Variants in PPFIA3 observed in about 807,000 individuals in gnomAD.
The protein encoded by PPFIA3 is PPFI scaffold protein A3, also known as liprin-alpha-3.
Under a neutral mutation model 145.8 loss-of-function variants are expected in PPFIA3, and 26 were observed. The observed-to-expected ratio is 0.18, with a 90% CI of 0.13 to 0.25. PPFIA3 has a LOEUF of 0.25. Among genes scored for constraint, PPFIA3 ranks in the 10% least tolerant of loss-of-function variants. The probability of loss-of-function intolerance (pLI) is 1.00; values close to 1 mark genes in which losing one functional copy is unlikely to be tolerated. For synonymous variants in PPFIA3, 645 were observed against 661.4 expected, an observed-to-expected ratio of 0.98 and a Z score of 0.38; for missense variants, 1,008 against 1,587.8, an observed-to-expected ratio of 0.63 and a Z score of 6.21.
At chr19:49,134,310 C>A in intron 11 of PPFIA3, 145 bp downstream of exon 11, 1 of 1,169,708 alleles carries the variant, frequency 8.5e-7, no homozygotes, top group East Asian at 2.5e-5. Flanking sequence ...CTTCTCTGCT[C>A]TATTGCCCAG....
chr19:49,144,664 T>C (rs1366847231), intron 21 of PPFIA3, among the ~76,000 whole-genome samples: 1 of 151,690 alleles, frequency 6.6e-6, no homozygotes, highest in African/African-American at 2.4e-5. Context: ...CAGTGAGCTG[T>C]GATTGTCCCA....
chr19:49,139,321 C>T lies in PPFIA3; in HGVS notation c.2077-347C>T, dbSNP rs554452105. Among the ~76,000 whole-genome samples, 171 of 141,234 alleles carry T rather than the reference C, an allele frequency of 1.2e-3. 2 individuals are homozygous for T. Among genetic ancestry groups the T allele is most frequent in the African/African-American group, 4.5e-3 (170 of 37,860 alleles). The allele number at this position is 141,234 out of a possible 152,430, so 92.7% of individuals were successfully genotyped here. The stretch of plus-strand genomic sequence containing the variant: ...GCCTGGCGACAGAGCTAGACTCTGT[C>T]TCAAAAAAAAAAAAAAAATTACCCG... On this transcript the variant is annotated intron_variant, in intron 16 of 29. Coordinates refer to ENST00000334186, the MANE Select transcript of PPFIA3 (RefSeq NM_003660.4).
At position 49,138,200 on chromosome 19, in the gene PPFIA3, C is replaced by G; in HGVS notation, c.1854-5C>G. ...TCACCCAGTTTCCCCTATTTCCCTC[C>G]TCAGGCTGATCCAAGAGGAGAAGGA... On this transcript the variant is annotated splice_region_variant and splice_polypyrimidine_tract_variant and intron_variant, in intron 15 of 29. Transcript: ENST00000334186. 1 of 1,585,198 alleles carries G rather than the reference C, an allele frequency of 6.3e-7. No homozygotes were observed. The highest frequency in any genetic ancestry group is 8.6e-7 in the Non-Finnish European group (1 of 1,158,930).
At chr19:49,129,729 A>G (rs1454069164) in intron 5 of PPFIA3, among the ~76,000 whole-genome samples, 1 of 152,134 alleles carries the variant, frequency 6.6e-6, no homozygotes, top group Non-Finnish European at 1.5e-5. Context: ...AAGTGATTGA[A>G]TGGGGAAAAG....
At position 49,146,172 on chromosome 19, in the gene PPFIA3, AAGG is replaced by A; in HGVS notation, c.2818_2820del (p.Glu940del). 6.2e-7 allele frequency: 1 copy of A among 1,614,112 alleles called. No homozygotes were observed. The highest frequency in any genetic ancestry group is 8.5e-7 in the Non-Finnish European group (1 of 1,180,008). ...CTTCCTACTAACGGGTCAGGAGACC[AAGG>A]AGATCAGCTGGGAGCAGGTAGGGGG... On this transcript the variant is annotated inframe_deletion, in exon 23 of 30. Transcript: ENST00000334186.
At chr19:49,146,303 T>TG (rs1003708052) in intron 23 of PPFIA3, 111 bp downstream of exon 23, 97 of 1,349,684 alleles carry the variant, frequency 7.2e-5, no homozygotes, top group East Asian at 6.5e-4. Context: ...ATCATCCCCA[T>TG]GGGGGGGCGC....
At chr19:49,125,468 GC>G (rs1348560972) in intron 1 of PPFIA3, 1 of 152,328 alleles carries the variant, frequency 6.6e-6, no homozygotes, top group Non-Finnish European at 1.5e-5. Flanking sequence ...GGTTCAGGGG[GC>G]CTGGCTTCAT....
Position 49,135,682 on chromosome 19 carries a change from C to G in PPFIA3, c.1521-97C>G, listed in dbSNP as rs1254907449. 2.2e-6 allele frequency: 3 copies of G among 1,355,336 alleles called. No individual in the cohort carries two copies. In the African/African-American group the frequency reaches 4.4e-5, roughly 20 times the overall value. The allele number at this position is 1,355,336 out of a possible 1,614,324, so 84.0% of individuals were successfully genotyped here. A position where few individuals can be genotyped will look rare whatever the true frequency, so the allele number is the denominator to read the frequency against. On this transcript the variant is annotated intron_variant, in intron 13 of 29. Transcript: ENST00000334186. ...ACCAGGCCTGGCCCCTTGACCTTGA[C>G]TTCAGGACCCCTGGCCCTAGGTCTG...
chr19:49,128,751 T>G lies in PPFIA3; in HGVS notation c.343-97T>G. 1 of 1,230,094 alleles carries G rather than the reference T, an allele frequency of 8.1e-7. No homozygotes were observed. The highest frequency in any genetic ancestry group is 1.1e-6 in the Non-Finnish European group (1 of 886,042). 76.2% of individuals were successfully genotyped at this position (1,230,094 alleles called of 1,614,324 possible). A position where few individuals can be genotyped will look rare whatever the true frequency, so the allele number is the denominator to read the frequency against. On this transcript the variant is annotated intron_variant, in intron 3 of 29. Transcript: ENST00000334186. The surrounding 1 kb of genome is among the most constrained non-coding windows in gnomAD (Gnocchi z 4.1). ...CGGTGCTCCTTTATATGGCTCCATC[T>G]TTTCCTCCATGTGTCCGCCCTACCT... is the stretch of plus-strand genomic sequence containing the variant.
intron 1 of PPFIA3, among the ~76,000 whole-genome samples, chr19:49,127,404 A>AAAAG (rs1568434061): frequency 6.7e-6 from 1 of 149,542 alleles, no homozygotes. Flanking sequence ...AAAAAAAAAA[A>AAAAG]AAAGAAAGTA....
intron 1 of PPFIA3, among the ~76,000 whole-genome samples, chr19:49,124,966 C>T (rs1430573193): frequency 6.6e-6 from 1 of 152,070 alleles, no homozygotes. Context: ...ACTTGGGAAG[C>T]TGAGGCAGGA....
Position 49,134,931 on chromosome 19 carries a change from C to A in PPFIA3, c.1520+16C>A, listed in dbSNP as rs1387075617. The A allele has an allele frequency of 6.5e-7, 1 of 1,530,692 alleles. No individual in the cohort carries two copies. Among genetic ancestry groups the A allele is most frequent in the African/African-American group, 1.4e-5 (1 of 72,454 alleles). The allele number at this position is 1,530,692 out of a possible 1,614,324, so 94.8% of individuals were successfully genotyped here. On this transcript the variant is annotated intron_variant, in intron 13 of 29. Coordinates refer to ENST00000334186, the MANE Select transcript of PPFIA3 (RefSeq NM_003660.4). The stretch of plus-strand genomic sequence containing the variant: ...CCTACTCCAGGTGACAGCAGCCCTT[C>A]TGCCCTGCCCCCACCATGGAGCCCC...
chr19:49,143,849 T>C (rs1414840296), intron 21 of PPFIA3, among the ~76,000 whole-genome samples: 3 of 152,162 alleles, frequency 2.0e-5, no homozygotes, highest in Non-Finnish European at 4.4e-5. Flanking sequence ...CAGAAGTGTT[T>C]AGAATTTCTG....
At chr19:49,129,502 A>C in intron 5 of PPFIA3, 48 bp downstream of exon 5, 1 of 1,543,840 alleles carries the variant, frequency 6.5e-7, no homozygotes, top group South Asian at 1.2e-5. Flanking sequence ...GGGAGGGGCT[A>C]AGGGGCTGCC....
intron 16 of PPFIA3, 76 bp downstream of exon 16, chr19:49,138,503 A>C: frequency 7.9e-7 from 1 of 1,265,556 alleles, no homozygotes; most frequent in Non-Finnish European, 1.1e-6. Flanking sequence ...AGTGTACAGC[A>C]ACAATAACCC....
In PPFIA3 at chr19:49,148,723, C is replaced by T. The variant is rs748226086; in HGVS notation, c.3069C>T (p.Asp1023=). 1.2e-6 allele frequency: 2 copies of T among 1,614,068 alleles called. No individual in the cohort carries two copies. The highest frequency in any genetic ancestry group is 2.2e-5 in the South Asian group (2 of 91,074). The part of the protein sequence containing the change: ...CLKRLNYDRK[D]LERRREESQT... ...AACGGCTCAACTATGACCGGAAGGA[C>T]CTGGAGCGGAGGCGGGAAGAAAGTC... Residue 1023 remains aspartate, a synonymous_variant, in exon 25 of 30, where the codon GAC becomes GAT. Transcript: ENST00000334186.
intron 23 of PPFIA3, 102 bp downstream of exon 23, chr19:49,146,294 T>A: frequency 7.1e-7 from 1 of 1,405,736 alleles, no homozygotes; most frequent in Non-Finnish European, 9.8e-7. Context: ...GAACATGCCA[T>A]CATCCCCATG....
In PPFIA3 at chr19:49,129,412, C is replaced by T. The variant is rs1331374844; in HGVS notation, c.540C>T (p.Arg180=). Residue 180 remains arginine, a synonymous_variant, in exon 5 of 30, where the codon CGC becomes CGT. Coordinates refer to ENST00000334186, the MANE Select transcript of PPFIA3 (RefSeq NM_003660.4). ...AGCGGCTGCGGATGGCGCTGGAGCG[C>T]GTGGCAGTGCTCGAGGAGGAGCTGG... ...VRERLRMALE[R]VAVLEEELEL... is the part of the protein sequence containing the mutation. The T allele has an allele frequency of 3.5e-5, 55 of 1,551,750 alleles. No individual in the cohort carries two copies. Among genetic ancestry groups the T allele is most frequent in the Non-Finnish European group, 4.7e-5 (54 of 1,147,998 alleles).
chr19:49,146,292 C>T, intron 23 of PPFIA3, 100 bp downstream of exon 23: 1 of 1,404,686 alleles, frequency 7.1e-7, no homozygotes, highest in Non-Finnish European at 9.8e-7. Context: ...CAGAACATGC[C>T]ATCATCCCCA....
Sources: gnomAD v4.1 joint callset for allele counts (sites outside exome capture counted in the v4.1 genomes callset) on GRCh38, gnomAD v4.1.1 for gene constraint, Gnocchi (gnomAD v3.1) non-coding constraint, MANE v1.5 for transcripts, NCBI Gene and HGNC (gene_info 2026-07-23, HGNC 2026-07-21) for gene names.